Variants in BNC2 observed in about 807,000 individuals in gnomAD.
The protein encoded by BNC2 is basonuclin zinc finger protein 2, also known as zinc finger protein basonuclin-2.
BNC2 carries 20 observed loss-of-function variants against 76.3 expected under a neutral mutation model. That is an observed-to-expected ratio of 0.26 (90% CI 0.18 to 0.38). The LOEUF is 0.38. BNC2 is among the 10% of genes least tolerant of loss of function. BNC2 has a pLI of 1.00. For missense variants in BNC2, 1,382 were observed against 1,399.8 expected (o/e 0.99, Z 0.20); for synonymous variants, 582 against 514.8 (o/e 1.13, Z -1.77).
At chr9:16,457,453 G>C (rs1410421648) in intron 5 of BNC2, among the ~76,000 whole-genome samples, 1 of 152,108 alleles carries the variant, frequency 6.6e-6, no homozygotes, top group Non-Finnish European at 1.5e-5. Context: ...ATCAGCACAG[G>C]GCAACATGCA....
chr9:16,776,307 T>C (rs562896491), intron 1 of BNC2, among the ~76,000 whole-genome samples: 95 of 152,160 alleles, frequency 6.2e-4, no homozygotes, highest in South Asian at 1.9e-3. Flanking sequence ...CGCCCTGCTA[T>C]TTTTGTATTT....
intron 3 of BNC2, among the ~76,000 whole-genome samples, chr9:16,635,329 G>C (rs1391149616): frequency 6.6e-6 from 1 of 152,094 alleles, no homozygotes; most frequent in African/African-American, 2.4e-5. Context: ...AAACATACTT[G>C]TTTGTGGAAA....
chr9:16,653,319 G>T (rs184633221), intron 3 of BNC2, among the ~76,000 whole-genome samples: 23 of 152,168 alleles, frequency 1.5e-4, no homozygotes, highest in African/African-American at 4.1e-4. Flanking sequence ...ACTCACAAAT[G>T]TAAGTGCCCA....
chr9:16,753,988 G>T (rs1489886318), intron 1 of BNC2, among the ~76,000 whole-genome samples: 1 of 152,138 alleles, frequency 6.6e-6, no homozygotes, highest in Non-Finnish European at 1.5e-5. Context: ...CAACCAATGG[G>T]GTCCATGGCT....
At chr9:16,793,102 T>C (rs1817557119) in intron 1 of BNC2, among the ~76,000 whole-genome samples, 2 of 152,210 alleles carry the variant, frequency 1.3e-5, no homozygotes, top group African/African-American at 2.4e-5. Flanking sequence ...GAAACAGCTT[T>C]AATATAACAA....
rs569566249 is a variant in BNC2, at chr9:16,673,437, A to AC, written c.330+54359_330+54360insG. 2.5e-3 allele frequency among the ~76,000 whole-genome samples: 362 copies of AC among 143,790 alleles called. 1 individual carries two copies. The highest frequency in any genetic ancestry group is 9.2e-3 in the African/African-American group (340 of 36,772). 94.3% of individuals were successfully genotyped at this position (143,790 alleles called of 152,430 possible). On this transcript the variant is annotated intron_variant, in intron 3 of 6. Transcript: ENST00000380672. Reference sequence around the variant, plus strand: ...AGGGAACATTCTGAGATTTAAAAAAAAAAAAAACACACACACACACACACA... The same window carrying AC: ...AGGGAACATTCTGAGATTTAAAAAAACAAAAAAACACACACACACACACACA...
At chr9:16,821,890 G>A (rs1234963849) in intron 1 of BNC2, among the ~76,000 whole-genome samples, 1 of 151,982 alleles carries the variant, frequency 6.6e-6, no homozygotes. Context: ...TCAGGAGATC[G>A]AGACCATCCT....
intron 1 of BNC2, among the ~76,000 whole-genome samples, chr9:16,869,434 C>T (rs947647024): frequency 5.9e-5 from 9 of 151,896 alleles, no homozygotes; most frequent in African/African-American, 2.2e-4. Flanking sequence ...TGTGTGTGTA[C>T]GCGCCCCTGC....
chr9:16,686,390 T>A (rs1822979763), intron 3 of BNC2, among the ~76,000 whole-genome samples: 1 of 152,216 alleles, frequency 6.6e-6, no homozygotes, highest in South Asian at 2.1e-4. Context: ...TTATTTCATT[T>A]CAGATTTTTT....
chr9:16,833,657 G>C (rs1408135278), intron 1 of BNC2, among the ~76,000 whole-genome samples: 2 of 152,138 alleles, frequency 1.3e-5, no homozygotes, highest in Non-Finnish European at 2.9e-5. Context: ...CTTGCCATAA[G>C]GAATTATTAC....
At chr9:16,452,613 T>G (rs1821365729) in intron 5 of BNC2, among the ~76,000 whole-genome samples, 1 of 152,144 alleles carries the variant, frequency 6.6e-6, no homozygotes, top group Non-Finnish European at 1.5e-5. Context: ...TTTCACCATG[T>G]TGACCAGGCT....
chr9:16,615,452 G>A (rs927200877), intron 3 of BNC2, among the ~76,000 whole-genome samples: 1 of 152,122 alleles, frequency 6.6e-6, no homozygotes, highest in Admixed American at 6.6e-5. Context: ...ATCGTCATGT[G>A]AGAGGTGCCC....
chr9:16,755,895 T>A (rs1825371134), intron 1 of BNC2, among the ~76,000 whole-genome samples: 4 of 152,212 alleles, frequency 2.6e-5, no homozygotes. Context: ...ACATTGTGAA[T>A]CTGAGTCCTT....
intron 1 of BNC2, among the ~76,000 whole-genome samples, chr9:16,746,132 G>A (rs115263811): frequency 2.6e-5 from 4 of 152,234 alleles, no homozygotes; most frequent in Non-Finnish European, 5.9e-5. Context: ...CATTTTTCAC[G>A]AATTGGTTCT....
At chr9:16,848,414 A>C (rs1819042742) in intron 1 of BNC2, among the ~76,000 whole-genome samples, 1 of 152,182 alleles carries the variant, frequency 6.6e-6, no homozygotes, top group South Asian at 2.1e-4. Flanking sequence ...AGCATTCAGA[A>C]CCTATCCAAT....
rs763181782 is a variant in BNC2, at chr9:16,437,280, T to C, written c.914A>G (p.Asn305Ser). 22 of 1,614,018 alleles carry C rather than the reference T, an allele frequency of 1.4e-5. No homozygotes were observed. Among genetic ancestry groups the C allele is most frequent in the Admixed American group, 5.0e-5 (3 of 60,000 alleles). ...PSLLAHLENS[N>S]PSSIHHFENI... is the part of the protein sequence containing the mutation. ...TTCGAAGTGATGAATGCTGGAAGGA[T>C]TGCTGTTCTCTAAGTGAGCAAGGAG... is the stretch of plus-strand genomic sequence containing the variant. The change falls in exon 6 of 7, where the codon AAT becomes AGT. Residue 305 changes from asparagine to serine, a missense_variant. Transcript: ENST00000380672.
intron 3 of BNC2, among the ~76,000 whole-genome samples, chr9:16,709,484 G>A (rs1400647114): frequency 6.6e-6 from 1 of 152,158 alleles, no homozygotes; most frequent in African/African-American, 2.4e-5. Context: ...AAATAGGAAG[G>A]GAAGAGAGAG....
At chr9:16,672,541 C>CA (rs1263601757) in intron 3 of BNC2, among the ~76,000 whole-genome samples, 1 of 152,072 alleles carries the variant, frequency 6.6e-6, no homozygotes, top group Non-Finnish European at 1.5e-5. Flanking sequence ...CAATCCAGAG[C>CA]AAAAAATCCT....
chr9:16,570,325 G>C (rs1819286398), intron 4 of BNC2, among the ~76,000 whole-genome samples: 6 of 152,248 alleles, frequency 3.9e-5, no homozygotes, highest in African/African-American at 1.4e-4. Flanking sequence ...TGTCACCTTT[G>C]TGTCACAAGT....
Sources: gnomAD v4.1 joint callset for allele counts (sites outside exome capture counted in the v4.1 genomes callset) on GRCh38, gnomAD v4.1.1 for gene constraint, MANE v1.5 for transcripts, NCBI Gene and HGNC (gene_info 2026-07-23, HGNC 2026-07-21) for gene names.